Variants in PDE7B observed in about 807,000 individuals in gnomAD.
PDE7B encodes the protein phosphodiesterase 7B, also known as 3',5'-cyclic-AMP phosphodiesterase 7B.
Under a neutral mutation model 56.2 loss-of-function variants are expected in PDE7B, and 29 were observed. The ratio of observed to expected loss-of-function variants is 0.52; its 90% CI spans 0.38 to 0.70. PDE7B has a LOEUF of 0.70. Ranked by LOEUF, PDE7B falls within the 30% of genes least tolerant of loss-of-function variation. The pLI, the probability that PDE7B is intolerant of heterozygous loss-of-function variation, is 0.00. For missense variants in PDE7B, 490 were observed against 565.0 expected (o/e 0.87, Z 1.35); for synonymous variants, 197 against 196.9 (o/e 1.00, Z 0.00).
chr6:136,099,993 G>A (rs1382628721), intron 2 of PDE7B, among the ~76,000 whole-genome samples: 1 of 152,090 alleles, frequency 6.6e-6, no homozygotes, highest in East Asian at 1.9e-4. Flanking sequence ...TCTACATATG[G>A]CTAGCCAGTT....
rs534412206 is a variant in PDE7B, at chr6:135,950,422, T to A, written c.82+2898T>A. Among the ~76,000 whole-genome samples, 7 of 152,334 alleles carry A rather than the reference T, an allele frequency of 4.6e-5. No homozygotes were observed. In the East Asian group the frequency reaches 9.6e-4, roughly 21 times the overall value. Reference sequence around the variant, plus strand: ...AGGAGTCTCTGATATTGTAAAGGACTATTGTGTTTTATAAGCCCTGCCAAC... The same window carrying A: ...AGGAGTCTCTGATATTGTAAAGGACAATTGTGTTTTATAAGCCCTGCCAAC... On this transcript the variant is annotated intron_variant, in intron 2 of 12. Transcript: ENST00000308191.
chr6:136,082,615 T>C (rs1239583274), intron 2 of PDE7B, among the ~76,000 whole-genome samples: 1 of 152,234 alleles, frequency 6.6e-6, no homozygotes, highest in Non-Finnish European at 1.5e-5. Flanking sequence ...GCCTCGGCTA[T>C]GAATGAGTTT....
chr6:136,086,975 C>T (rs1777303492), intron 2 of PDE7B, among the ~76,000 whole-genome samples: 1 of 152,146 alleles, frequency 6.6e-6, no homozygotes, highest in South Asian at 2.1e-4. Flanking sequence ...AGAGCGCCTT[C>T]ACAAGCCAAC....
chr6:136,175,899 A>G (rs1190676512), intron 9 of PDE7B, among the ~76,000 whole-genome samples: 4 of 152,134 alleles, frequency 2.6e-5, no homozygotes, highest in Non-Finnish European at 4.4e-5. Flanking sequence ...GATGGATTGT[A>G]AGAAAATGTA....
chr6:136,173,751 A>T, intron 8 of PDE7B, 46 bp from the exon 9 acceptor site: 1 of 1,228,846 alleles, frequency 8.1e-7, no homozygotes, highest in South Asian at 1.2e-5. Flanking sequence ...AAAGATCAGT[A>T]TCTGGCTTCC....
Position 136,131,366 on chromosome 6 carries a change from T to C in PDE7B, c.167-15985T>C, listed in dbSNP as rs756119954. ...CCATGTTAAGCAGCAAGGAAAGGTT[T>C]TGGATTATGCCCTGACACCATGACT... On this transcript the variant is annotated intron_variant, in intron 3 of 12. Transcript: ENST00000308191. 1.3e-3 allele frequency among the ~76,000 whole-genome samples: 194 copies of C among 152,132 alleles called. 1 individual carries two copies. Among genetic ancestry groups the C allele is most frequent in the Non-Finnish European group, 2.2e-3 (148 of 67,980 alleles).
intron 1 of PDE7B, among the ~76,000 whole-genome samples, chr6:135,884,868 T>C (rs1043285860): frequency 1.3e-5 from 2 of 152,118 alleles, no homozygotes; most frequent in Non-Finnish European, 2.9e-5. Flanking sequence ...TTACAGGAAT[T>C]TTGAGTTAGA....
intron 2 of PDE7B, among the ~76,000 whole-genome samples, chr6:135,952,277 T>G (rs1016266015): frequency 2.0e-5 from 3 of 152,226 alleles, no homozygotes; most frequent in Non-Finnish European, 4.4e-5. Flanking sequence ...TTATTACTGA[T>G]GATACCAATG....
In PDE7B at chr6:136,041,666, CTG is replaced by C. The variant is rs1331867626; in HGVS notation, c.83-67064_83-67063del. Among the ~76,000 whole-genome samples, 3 of 152,248 alleles carry C rather than the reference CTG, an allele frequency of 2.0e-5. No individual in the cohort carries two copies. In the South Asian group the frequency reaches 6.2e-4, roughly 32 times the overall value. ...GCACTGTTCACCCTAGCAAGGGGCTCTGGAAGTTATCAGCATGCTTGAGGTCC... is the reference window on the plus strand; with the variant it reads ...GCACTGTTCACCCTAGCAAGGGGCTCGAAGTTATCAGCATGCTTGAGGTCC... On this transcript the variant is annotated intron_variant, in intron 2 of 12. Coordinates refer to ENST00000308191, the MANE Select transcript of PDE7B (RefSeq NM_018945.4).
intron 1 of PDE7B, among the ~76,000 whole-genome samples, chr6:135,892,441 T>G (rs7775875): frequency 0.08 from 12,119 of 152,180 alleles, 767 homozygotes; most frequent in African/African-American, 0.16. Context: ...AGTTATTTGA[T>G]CCATATGACC....
chr6:135,927,019 T>C (rs1028297801), intron 1 of PDE7B, among the ~76,000 whole-genome samples: 1 of 152,234 alleles, frequency 6.6e-6, no homozygotes, highest in Non-Finnish European at 1.5e-5. Flanking sequence ...GTTTCTTCAA[T>C]AGCAGCCTAT....
intron 11 of PDE7B, among the ~76,000 whole-genome samples, chr6:136,183,778 G>A (rs532202774): frequency 1.3e-5 from 2 of 152,166 alleles, no homozygotes; most frequent in South Asian, 4.1e-4. Flanking sequence ...CTCCTGGCAG[G>A]CAGGCTTCCA....
At chr6:136,161,741 GTTCTT>G (rs757101129) in intron 8 of PDE7B, among the ~76,000 whole-genome samples, 9 of 152,234 alleles carry the variant, frequency 5.9e-5, no homozygotes, top group African/African-American at 2.2e-4. Flanking sequence ...TCTTTTAACA[GTTCTT>G]TTAACTTTTG....
At chr6:136,104,545 T>C (rs927980347) in intron 2 of PDE7B, among the ~76,000 whole-genome samples, 4 of 152,186 alleles carry the variant, frequency 2.6e-5, no homozygotes, top group African/African-American at 9.7e-5. Flanking sequence ...CCCACCAGCG[T>C]ATTAAAGCAA....
intron 2 of PDE7B, among the ~76,000 whole-genome samples, chr6:135,952,498 A>G (rs1290986308): frequency 6.6e-6 from 1 of 152,146 alleles, no homozygotes; most frequent in African/African-American, 2.4e-5. Flanking sequence ...GTCTGCCCTT[A>G]GAGGGTTTAT....
At chr6:136,167,410 T>C (rs899148123) in intron 8 of PDE7B, among the ~76,000 whole-genome samples, 1 of 152,102 alleles carries the variant, frequency 6.6e-6, no homozygotes, top group Non-Finnish European at 1.5e-5. Flanking sequence ...ATGCCCTTCT[T>C]GTGATAATAA....
intron 8 of PDE7B, among the ~76,000 whole-genome samples, chr6:136,167,722 C>G (rs1778817749): frequency 6.6e-6 from 1 of 152,186 alleles, no homozygotes; most frequent in African/African-American, 2.4e-5. Flanking sequence ...GTGCCTAGAA[C>G]ATAGTAAGTG....
chr6:136,108,299 A>G (rs930803628), intron 2 of PDE7B, among the ~76,000 whole-genome samples: 18 of 152,152 alleles, frequency 1.2e-4, no homozygotes, highest in Admixed American at 5.2e-4. Flanking sequence ...TCTGGAAAAA[A>G]GAAAGGTGGA....
chr6:136,009,225 T>C (rs982926457), intron 2 of PDE7B, among the ~76,000 whole-genome samples: 2 of 151,888 alleles, frequency 1.3e-5, no homozygotes, highest in African/African-American at 4.8e-5. Context: ...CCATGCTGTT[T>C]TGGTTACTGT....
Sources: gnomAD v4.1 joint callset for allele counts (sites outside exome capture counted in the v4.1 genomes callset) on GRCh38, gnomAD v4.1.1 for gene constraint, MANE v1.5 for transcripts, NCBI Gene and HGNC (gene_info 2026-07-23, HGNC 2026-07-21) for gene names.